Variants in QTMAN observed in about 807,000 individuals in gnomAD.
QTMAN encodes queuosine-tRNA mannosyltransferase, also known as tRNA-queuosine alpha-mannosyltransferase.
the QTMAN span, among the ~76,000 whole-genome samples, chr2:144,171,309 G>A: frequency 5.9e-5 from 9 of 152,044 alleles, no homozygotes; most frequent in East Asian, 1.9e-4. Context: ...CTCCTGCTCC[G>A]AAATCCCAAT....
chr2:144,081,288 A>T, the QTMAN span, among the ~76,000 whole-genome samples: 14 of 152,112 alleles, frequency 9.2e-5, no homozygotes, highest in Non-Finnish European at 4.4e-5. Flanking sequence ...AAGGAACAAA[A>T]ATCAGAAATA....
At chr2:144,247,408 A>AT in the QTMAN span, among the ~76,000 whole-genome samples, 1 of 152,376 alleles carries the variant, frequency 6.6e-6, no homozygotes, top group African/African-American at 2.4e-5. Flanking sequence ...ATTAATTACA[A>AT]TATGCTCATC....
chr2:144,241,527 C>A, the QTMAN span, among the ~76,000 whole-genome samples: 2 of 152,176 alleles, frequency 1.3e-5, no homozygotes, highest in Admixed American at 6.5e-5. Flanking sequence ...AGATGATGAA[C>A]CTCATCCAAT....
At chr2:144,187,719 GA>G in the QTMAN span, among the ~76,000 whole-genome samples, 17 of 152,184 alleles carry the variant, frequency 1.1e-4, no homozygotes, top group African/African-American at 3.9e-4. Flanking sequence ...CACAGAAAAT[GA>G]CAGGCATATT....
the QTMAN span, among the ~76,000 whole-genome samples, chr2:144,027,204 A>G: frequency 6.6e-6 from 1 of 152,234 alleles, no homozygotes; most frequent in Non-Finnish European, 1.5e-5. Context: ...GTTTCCACTG[A>G]TCAGTATATA....
chr2:143,984,026 A>G, the QTMAN span, among the ~76,000 whole-genome samples: 13 of 152,342 alleles, frequency 8.5e-5, no homozygotes, highest in African/African-American at 3.1e-4. Context: ...TGATTAACGC[A>G]GTCACCCTCA....
the QTMAN span, among the ~76,000 whole-genome samples, chr2:143,977,320 T>C: frequency 6.6e-6 from 1 of 152,034 alleles, no homozygotes; most frequent in Admixed American, 6.6e-5. Flanking sequence ...TACAAATAAG[T>C]AGGCAAAATG....
chr2:144,134,138 G>A, the QTMAN span, among the ~76,000 whole-genome samples: 4 of 152,074 alleles, frequency 2.6e-5, no homozygotes, highest in Non-Finnish European at 5.9e-5. Flanking sequence ...ACAAATTCTC[G>A]AATTACAAAT....
At chr2:144,298,809 G>A in the QTMAN span, among the ~76,000 whole-genome samples, 1 of 152,184 alleles carries the variant, frequency 6.6e-6, no homozygotes, top group Non-Finnish European at 1.5e-5. Context: ...AGTGTTTAAC[G>A]CTAATTCTTC....
At chr2:144,267,888 CTGAG>C in the QTMAN span, among the ~76,000 whole-genome samples, 4 of 152,164 alleles carry the variant, frequency 2.6e-5, no homozygotes, top group African/African-American at 9.7e-5. Flanking sequence ...GTGCTATGGA[CTGAG>C]TGTTTCTGTC....
chr2:144,152,537 CCTA>C, the QTMAN span, among the ~76,000 whole-genome samples: 2 of 152,056 alleles, frequency 1.3e-5, no homozygotes, highest in East Asian at 1.9e-4. Context: ...AGAGGGTGAG[CCTA>C]CTATTTTAAA....
chr2:144,192,717 A>G, the QTMAN span, among the ~76,000 whole-genome samples: 1 of 152,262 alleles, frequency 6.6e-6, no homozygotes, highest in South Asian at 2.1e-4. Flanking sequence ...TTTCAAAGAT[A>G]TGTTCAAGCT....
At chr2:144,166,405 G>A in the QTMAN span, among the ~76,000 whole-genome samples, 1 of 152,140 alleles carries the variant, frequency 6.6e-6, no homozygotes, top group Non-Finnish European at 1.5e-5. Flanking sequence ...TACCCTACTA[G>A]TATACATAAA....
chr2:144,090,348 C>T, the QTMAN span, among the ~76,000 whole-genome samples: 1 of 151,810 alleles, frequency 6.6e-6, no homozygotes, highest in Non-Finnish European at 1.5e-5. Flanking sequence ...CAACGTGATA[C>T]TAGAGGAATT....
chr2:144,330,504 C>T, the QTMAN span, among the ~76,000 whole-genome samples: 2 of 152,162 alleles, frequency 1.3e-5, no homozygotes, highest in Admixed American at 6.5e-5. Context: ...GTGACGTAGG[C>T]TATCCGAATC....
the QTMAN span, chr2:143,940,355 ATATACT>A: frequency 1.3e-5 from 2 of 152,240 alleles, no homozygotes; most frequent in Non-Finnish European, 2.9e-5. Context: ...GCAAGATGTA[ATATACT>A]TATATTGTAC....
At chr2:144,314,101 T>C in the QTMAN span, among the ~76,000 whole-genome samples, 9 of 152,322 alleles carry the variant, frequency 5.9e-5, no homozygotes, top group Admixed American at 5.9e-4. Context: ...ACAAAAATTC[T>C]GTTTATAGTG....
chr2:144,273,319 A>T, the QTMAN span, among the ~76,000 whole-genome samples: 1 of 152,166 alleles, frequency 6.6e-6, no homozygotes. Flanking sequence ...CCTCCCTAAG[A>T]TGTTATTCCA....
chr2:143,949,840 T>A, the QTMAN span, among the ~76,000 whole-genome samples: 1 of 151,626 alleles, frequency 6.6e-6, no homozygotes, highest in East Asian at 1.9e-4. Context: ...TAGAAGGCAT[T>A]TTTTTTTCTG....
Sources: gnomAD v4.1 joint callset for allele counts (sites outside exome capture counted in the v4.1 genomes callset) on GRCh38, gnomAD v4.1.1 for gene constraint, MANE v1.5 for transcripts, NCBI Gene and HGNC (gene_info 2026-07-23, HGNC 2026-07-21) for gene names.